Variants in DDX31 observed in about 807,000 individuals in gnomAD.
DDX31 encodes DEAD-box helicase 31, also known as ATP-dependent DNA helicase DDX31.
DDX31 carries 70 observed loss-of-function variants against 91.3 expected under a neutral mutation model. That is an observed-to-expected ratio of 0.77 (90% CI 0.63 to 0.94). The LOEUF (loss-of-function observed/expected upper bound fraction) is 0.94. Among genes scored for constraint, DDX31 ranks in the 40% least tolerant of loss-of-function variants. The pLI is 0.00. For missense variants in DDX31, 902 were observed against 925.0 expected (o/e 0.98, Z 0.32); for synonymous variants, 362 against 350.6 (o/e 1.03, Z -0.36).
chr9:132,659,718 G>C lies in DDX31; in HGVS notation c.515C>G (p.Thr172Arg). The change falls in exon 5 of 20, where the codon ACG becomes AGG. Residue 172 changes from threonine to arginine, a missense_variant. Thr to Arg is a moderately conservative substitution (Grantham distance 71). Transcript: ENST00000372159. ...GATGAAATGAGACTAACCTGAGCCC[G>C]TCTGGGATCTCACGAGAGCATCTCT... ...EGRDALVRSQTGSGKTLAYCI... is the reference protein window; with the variant it reads ...EGRDALVRSQRGSGKTLAYCI... 1 of 1,610,702 alleles carries C rather than the reference G, an allele frequency of 6.2e-7. No individual in the cohort carries two copies. The highest frequency in any genetic ancestry group is 8.5e-7 in the Non-Finnish European group (1 of 1,178,244).
intron 16 of DDX31, among the ~76,000 whole-genome samples, chr9:132,629,997 T>C (rs1320263957): frequency 6.6e-6 from 1 of 152,224 alleles, no homozygotes; most frequent in Non-Finnish European, 1.5e-5. Flanking sequence ...ACACTTATCT[T>C]GCAGCAGGAG....
intron 18 of DDX31, among the ~76,000 whole-genome samples, chr9:132,612,866 T>C (rs1233015740): frequency 1.3e-5 from 2 of 152,154 alleles, no homozygotes; most frequent in East Asian, 1.9e-4. Flanking sequence ...CCCTTATCCA[T>C]AGGCAATCCC....
intron 17 of DDX31, 121 bp downstream of exon 17, chr9:132,625,543 A>C (rs1003709336): frequency 6.5e-6 from 5 of 772,632 alleles, no homozygotes; most frequent in African/African-American, 5.4e-5. Flanking sequence ...TCTAATGTTC[A>C]TGGTTCTTAA....
At chr9:132,663,355 C>T in intron 1 of DDX31, 2 of 1,282,156 alleles carry the variant, frequency 1.6e-6, no homozygotes, top group Non-Finnish European at 2.0e-6. Flanking sequence ...ATCACCTCTA[C>T]CACAATTACT....
Position 132,594,899 on chromosome 9 carries a change from T to C in DDX31, c.2208A>G (p.Val736=). The C allele has an allele frequency of 6.2e-7, 1 of 1,614,038 alleles. No homozygotes were observed. The highest frequency in any genetic ancestry group is 1.1e-5 in the South Asian group (1 of 91,078). The change falls in exon 20 of 20, where the codon GTA becomes GTG. Residue 736 remains valine (V), a synonymous_variant. Coordinates refer to ENST00000372159, the MANE Select transcript of DDX31 (RefSeq NM_022779.9). Reference sequence around the variant, plus strand: ...TCTGGGAAGTCTTGCTGTCCCGCTGTACACCTTTTTGGGTTTTTCTCCATT... The same window carrying C: ...TCTGGGAAGTCTTGCTGTCCCGCTGCACACCTTTTTGGGTTTTTCTCCATT... The part of the protein sequence containing the change: ...TLKWRKTQKG[V]QRDSKTSQKV
intron 1 of DDX31, 91 bp from the exon 2 acceptor site, chr9:132,662,786 C>T: frequency 6.5e-7 from 1 of 1,539,746 alleles, no homozygotes; most frequent in Non-Finnish European, 8.8e-7. Flanking sequence ...CACAGAATTG[C>T]ATCTCTCCCT....
At chr9:132,625,089 C>A (rs1832314935) in intron 17 of DDX31, among the ~76,000 whole-genome samples, 1 of 152,134 alleles carries the variant, frequency 6.6e-6, no homozygotes, top group Non-Finnish European at 1.5e-5. Context: ...TAGTCGGGTG[C>A]AGCCTTAAGA....
chr9:132,647,290 G>A (rs942157930), intron 11 of DDX31, among the ~76,000 whole-genome samples: 13 of 152,130 alleles, frequency 8.5e-5, no homozygotes, highest in African/African-American at 2.9e-4. Flanking sequence ...ATGGAACAGC[G>A]TCCAAAAGAT....
At chr9:132,603,610 C>T (rs1365317835) in intron 19 of DDX31, among the ~76,000 whole-genome samples, 2 of 152,196 alleles carry the variant, frequency 1.3e-5, no homozygotes, top group South Asian at 2.1e-4. Flanking sequence ...TGAGCAAGGA[C>T]GAGCTAATGA....
intron 17 of DDX31, among the ~76,000 whole-genome samples, chr9:132,624,151 A>T (rs1832238267): frequency 7.4e-6 from 1 of 134,662 alleles, no homozygotes; most frequent in African/African-American, 2.8e-5. Flanking sequence ...TGGGCGACAG[A>T]GCGAGACTCC....
chr9:132,636,573 C>G (rs895243239), intron 14 of DDX31, among the ~76,000 whole-genome samples: 9 of 152,210 alleles, frequency 5.9e-5, no homozygotes, highest in Non-Finnish European at 1.5e-5. Flanking sequence ...CACAGCGCAA[C>G]AGTGAGTGAT....
intron 1 of DDX31, among the ~76,000 whole-genome samples, chr9:132,666,831 C>T (rs188874373): frequency 1.1e-4 from 17 of 152,202 alleles, no homozygotes; most frequent in Non-Finnish European, 2.1e-4. Context: ...CTCAGCCTCC[C>T]GAGTGGCTTG....
At chr9:132,618,057 A>T (rs1831755682) in intron 18 of DDX31, among the ~76,000 whole-genome samples, 1 of 152,244 alleles carries the variant, frequency 6.6e-6, no homozygotes, top group African/African-American at 2.4e-5. Flanking sequence ...TTAAGATCCA[A>T]GTTGTTGGGT....
At chr9:132,669,595 C>T (rs1311107743) in intron 1 of DDX31, 1 of 1,505,678 alleles carries the variant, frequency 6.6e-7, no homozygotes, top group Non-Finnish European at 8.9e-7. Flanking sequence ...GCCTCTAATT[C>T]CTTCCTTTAC....
intron 19 of DDX31, among the ~76,000 whole-genome samples, chr9:132,609,172 C>T (rs183247352): frequency 1.3e-3 from 200 of 152,170 alleles, no homozygotes; most frequent in African/African-American, 4.4e-3. Context: ...GGCATTGTCA[C>T]GGGCGGAGTA....
chr9:132,606,355 A>T (rs1268545376), intron 19 of DDX31, among the ~76,000 whole-genome samples: 1 of 152,200 alleles, frequency 6.6e-6, no homozygotes, highest in Non-Finnish European at 1.5e-5. Context: ...CTTTACAGGG[A>T]GATGCAGCTG....
chr9:132,638,285 G>A (rs551938853), intron 14 of DDX31: 2 of 1,610,102 alleles, frequency 1.2e-6, no homozygotes, highest in East Asian at 4.5e-5. Flanking sequence ...CCATTCGGTG[G>A]TACTTCTTAT....
At position 132,645,998 on chromosome 9, in the gene DDX31, AG is replaced by A; in HGVS notation, c.1276del (p.Leu426TyrfsTer5). On this transcript the variant is annotated frameshift_variant, in exon 13 of 20. Coordinates refer to ENST00000372159, the MANE Select transcript of DDX31 (RefSeq NM_022779.9). LOFTEE classifies it high-confidence loss of function. ...ELVEFHYSLF[L>X]QTLLSSSGAP... is the part of the protein sequence containing the mutation. ...CCCTGAGCTGCTCAGCAGGGTCTGT[AG>A]GAAGAGGCTGTAGTGGAACTCCACC... 6.2e-7 allele frequency: 1 copy of A among 1,614,172 alleles called. No individual in the cohort carries two copies.
intron 19 of DDX31, among the ~76,000 whole-genome samples, chr9:132,606,757 C>T (rs1224493796): frequency 6.6e-6 from 1 of 152,130 alleles, no homozygotes; most frequent in Non-Finnish European, 1.5e-5. Context: ...GTGATTCAAT[C>T]CCAGATGTAA....
Sources: gnomAD v4.1 joint callset for allele counts (sites outside exome capture counted in the v4.1 genomes callset) on GRCh38, gnomAD v4.1.1 for gene constraint, MANE v1.5 for transcripts, NCBI Gene and HGNC (gene_info 2026-07-23, HGNC 2026-07-21) for gene names.